Variants in FCHO2 observed in about 807,000 individuals in gnomAD.
FCHO2 encodes F-BAR domain only protein 2.
A neutral mutation model predicts 114.1 loss-of-function variants in FCHO2; 43 were observed. That is an observed-to-expected ratio of 0.38 (90% CI 0.30 to 0.49). FCHO2 has a LOEUF of 0.49. Among genes scored for constraint, FCHO2 ranks in the 20% least tolerant of loss-of-function variants. The pLI is 0.97. For missense variants in FCHO2, 807 were observed against 950.4 expected (o/e 0.85, Z 1.98); for synonymous variants, 293 against 315.2 (o/e 0.93, Z 0.75).
intron 6 of FCHO2, among the ~76,000 whole-genome samples, chr5:73,014,287 CTTTTTCTTTTTTTTT>C (rs1755179429): frequency 6.8e-6 from 1 of 147,558 alleles, no homozygotes; most frequent in Non-Finnish European, 1.5e-5. Context: ...TCTTTTTTTT[CTTTTTCTTTTTTTTT>C]TTTTGAGATG....
At chr5:73,052,297 G>A in intron 12 of FCHO2, 35 bp from the exon 13 acceptor site, 1 of 1,554,858 alleles carries the variant, frequency 6.4e-7, no homozygotes. Context: ...ATACGTCTAA[G>A]GTAATTTAAA....
chr5:72,973,105 A>G (rs1053065043), intron 2 of FCHO2, among the ~76,000 whole-genome samples: 1 of 152,206 alleles, frequency 6.6e-6, no homozygotes, highest in African/African-American at 2.4e-5. Context: ...TCGGTTTGCC[A>G]GTATTTTATT....
At chr5:72,990,391 C>T in intron 3 of FCHO2, 87 bp from the exon 4 acceptor site, 9 of 994,160 alleles carry the variant, frequency 9.1e-6, no homozygotes, top group African/African-American at 1.7e-5. Flanking sequence ...CCATATATAC[C>T]ACTATTATTT....
intron 17 of FCHO2, among the ~76,000 whole-genome samples, chr5:73,060,283 A>G (rs1025778918): frequency 1.3e-5 from 2 of 151,974 alleles, no homozygotes; most frequent in East Asian, 1.9e-4. Flanking sequence ...ATCTTCCTAT[A>G]TAGTATGAAA....
chr5:73,076,532 G>A (rs1164806443), intron 20 of FCHO2, among the ~76,000 whole-genome samples: 1 of 152,102 alleles, frequency 6.6e-6, no homozygotes, highest in Non-Finnish European at 1.5e-5. Context: ...AAAAAAGAGG[G>A]AACAATCACA....
chr5:73,089,986 T>A lies in FCHO2; in HGVS notation c.*1896T>A, dbSNP rs1743434749. 6.6e-6 allele frequency: 1 copy of A among 152,608 alleles called. No homozygotes were observed. The highest frequency in any genetic ancestry group is 1.5e-5 in the Non-Finnish European group (1 of 67,982). The allele number at this position is 152,608 out of a possible 1,614,324, so 9.5% of individuals were successfully genotyped here. On this transcript the variant is annotated 3_prime_UTR_variant, in exon 26 of 26. Coordinates refer to ENST00000430046, the MANE Select transcript of FCHO2 (RefSeq NM_138782.3). ...TGCCAATTACAGTCCCTTACTGGAA[T>A]TCTAACTGTAATTTGCTTTGCAATC... is the stretch of plus-strand genomic sequence containing the variant.
intron 8 of FCHO2, among the ~76,000 whole-genome samples, chr5:73,028,320 T>G (rs1399687366): frequency 6.6e-6 from 1 of 152,172 alleles, no homozygotes; most frequent in Non-Finnish European, 1.5e-5. Flanking sequence ...CTTGGCAGCT[T>G]CTTAGAAATT....
chr5:73,073,276 A>G (rs1215989670), intron 19 of FCHO2, among the ~76,000 whole-genome samples: 1 of 152,068 alleles, frequency 6.6e-6, no homozygotes, highest in Non-Finnish European at 1.5e-5. Context: ...ATCTTACTAC[A>G]TAAAAGCCTA....
chr5:73,081,920 A>G lies in FCHO2; in HGVS notation c.2118A>G (p.Ile706Met). ...AMVAPSVLSNIQVVVPVDGGV... is the reference protein window; with the variant it reads ...AMVAPSVLSNMQVVVPVDGGV... ...TGGCACCTAGTGTGCTTTCCAACAT[A>G]CAGGTGGTGGTACCAGTGGATGGAG... The change falls in exon 23 of 26, where the codon ATA becomes ATG. Residue 706 changes from isoleucine (I) to methionine (M), a missense_variant. Ile to Met is a conservative substitution (Grantham distance 10). Transcript: ENST00000430046. 6.2e-7 allele frequency: 1 copy of G among 1,610,972 alleles called. No homozygotes were observed. The highest frequency in any genetic ancestry group is 8.5e-7 in the Non-Finnish European group (1 of 1,178,272).
At chr5:73,055,686 T>A (rs937758122) in intron 15 of FCHO2, among the ~76,000 whole-genome samples, 5 of 152,222 alleles carry the variant, frequency 3.3e-5, no homozygotes. Context: ...ACTAATAATA[T>A]TCTTAGAACT....
chr5:72,958,013 G>C (rs1409720309), intron 1 of FCHO2, among the ~76,000 whole-genome samples: 2 of 149,316 alleles, frequency 1.3e-5, no homozygotes, highest in Admixed American at 6.7e-5. Context: ...TAAAAATTGG[G>C]TTGTCTTTTT....
chr5:73,053,437 T>C (rs62362197), intron 13 of FCHO2, among the ~76,000 whole-genome samples: 6 of 152,072 alleles, frequency 3.9e-5, no homozygotes, highest in Non-Finnish European at 8.8e-5. Context: ...GGCTCACGCC[T>C]GTAATCCCAG....
chr5:72,970,044 C>T (rs1752434986), intron 2 of FCHO2, among the ~76,000 whole-genome samples: 1 of 152,202 alleles, frequency 6.6e-6, no homozygotes, highest in Non-Finnish European at 1.5e-5. Context: ...CTCGTAACTG[C>T]TCTATCTACA....
chr5:73,081,998 G>A lies in FCHO2; in HGVS notation c.2180+16G>A, dbSNP rs1391581746. 1.4e-6 allele frequency: 2 copies of A among 1,414,590 alleles called. No homozygotes were observed. Among genetic ancestry groups the A allele is most frequent in the East Asian group, 2.6e-5 (1 of 37,906 alleles). 87.6% of individuals were successfully genotyped at this position (1,414,590 alleles called of 1,614,324 possible). On this transcript the variant is annotated intron_variant, in intron 23 of 25. Coordinates refer to ENST00000430046, the MANE Select transcript of FCHO2 (RefSeq NM_138782.3). ...CTGCAATATGGTAAATTAAACATAC[G>A]TTTCTGAATTCCCACTAAATTTTTG...
chr5:73,065,597 A>G (rs2112867433), intron 18 of FCHO2, among the ~76,000 whole-genome samples: 1 of 152,182 alleles, frequency 6.6e-6, no homozygotes, highest in East Asian at 1.9e-4. Context: ...AATACATGTA[A>G]AACAGAATAT....
At chr5:72,975,046 T>C (rs1205334346) in intron 2 of FCHO2, among the ~76,000 whole-genome samples, 1 of 152,176 alleles carries the variant, frequency 6.6e-6, no homozygotes, top group Non-Finnish European at 1.5e-5. Context: ...ACTTATTCTT[T>C]AGAGCTCAGC....
At chr5:73,018,798 C>T (rs944079878) in intron 8 of FCHO2, among the ~76,000 whole-genome samples, 1 of 152,222 alleles carries the variant, frequency 6.6e-6, no homozygotes, top group Non-Finnish European at 1.5e-5. Flanking sequence ...AGCCCAGCTA[C>T]TTCCCTGTTC....
At chr5:72,972,396 C>T (rs939096465) in intron 2 of FCHO2, among the ~76,000 whole-genome samples, 29 of 152,022 alleles carry the variant, frequency 1.9e-4, no homozygotes, top group African/African-American at 7.0e-4. Flanking sequence ...GTTTGTAGTT[C>T]TCCTTGAAGA....
chr5:72,957,788 A>G lies in FCHO2; in HGVS notation c.33+1659A>G, dbSNP rs747484231. On this transcript the variant is annotated intron_variant, in intron 1 of 25. Transcript: ENST00000430046. ...TTCTGAAGTGGTTGTAGCATTTTACAATCCCACCAGCAATATCTGAGGGTT... is the reference window on the plus strand; with the variant it reads ...TTCTGAAGTGGTTGTAGCATTTTACGATCCCACCAGCAATATCTGAGGGTT... 8.8e-4 allele frequency among the ~76,000 whole-genome samples: 134 copies of G among 152,288 alleles called. 2 individuals are homozygous for G. Among genetic ancestry groups the G allele is most frequent in the Non-Finnish European group, 6.5e-4 (44 of 68,024 alleles).
Sources: allele counts gnomAD v4.1 joint callset (sites outside exome capture counted in the v4.1 genomes callset), GRCh38; gene constraint gnomAD v4.1.1; transcripts MANE v1.5; gene names NCBI Gene and HGNC (gene_info 2026-07-23, HGNC 2026-07-21).